COL5A2: variants seen among roughly 807,000 people sequenced by gnomAD.
The protein encoded by COL5A2 is collagen type V alpha 2 chain.
A neutral mutation model predicts 208.2 loss-of-function variants in COL5A2; 23 were observed. That is an observed-to-expected ratio of 0.11 (90% CI 0.08 to 0.16). The LOEUF (loss-of-function observed/expected upper bound fraction) is 0.16, where lower values mean the gene tolerates loss of function less well. Ranked by LOEUF, COL5A2 falls within the 10% of genes least tolerant of loss-of-function variation. The pLI, the probability that COL5A2 is intolerant of heterozygous loss-of-function variation, is 1.00. For synonymous variants in COL5A2, 625 were observed against 628.5 expected, an observed-to-expected ratio of 0.99 and a Z score of 0.08; for missense variants, 1,590 against 1,956.4, an observed-to-expected ratio of 0.81 and a Z score of 3.53.
chr2:189,439,312 G>A, the COL5A2 span, among the ~76,000 whole-genome samples: 1 of 152,146 alleles, frequency 6.6e-6, no homozygotes, highest in Non-Finnish European at 1.5e-5. Flanking sequence ...AAGAATGTCT[G>A]GCATATACTA....
At chr2:189,057,945 T>C (rs1287896246) in intron 33 of COL5A2, among the ~76,000 whole-genome samples, 20 of 152,168 alleles carry the variant, frequency 1.3e-4, no homozygotes, top group Non-Finnish European at 1.5e-4. Flanking sequence ...GCCACATTAT[T>C]TTCTACCAAT....
At chr2:189,140,801 A>G (rs1193423575) in intron 1 of COL5A2, among the ~76,000 whole-genome samples, 4 of 152,100 alleles carry the variant, frequency 2.6e-5, no homozygotes, top group East Asian at 1.9e-4. Flanking sequence ...TAAGTAATAT[A>G]TTTTTCTAAG....
chr2:189,193,621 T>C (rs1033222703), intron 1 of COL5A2, among the ~76,000 whole-genome samples: 18 of 152,242 alleles, frequency 1.2e-4, no homozygotes, highest in Non-Finnish European at 2.4e-4. Context: ...AACATTTAGT[T>C]AAGAGGGATT....
At chr2:189,253,798 C>A in the COL5A2 span, among the ~76,000 whole-genome samples, 13 of 152,188 alleles carry the variant, frequency 8.5e-5, no homozygotes, top group Non-Finnish European at 1.8e-4. Flanking sequence ...TTATTCTTGA[C>A]CCTTACCACA....
chr2:189,152,628 G>A (rs1325439661), intron 1 of COL5A2, among the ~76,000 whole-genome samples: 1 of 152,130 alleles, frequency 6.6e-6, no homozygotes, highest in East Asian at 1.9e-4. Flanking sequence ...AATAGTTGCA[G>A]TATGAATTAG....
At chr2:189,080,958 T>C in intron 13 of COL5A2, 32 bp downstream of exon 13, 1 of 1,578,380 alleles carries the variant, frequency 6.3e-7, no homozygotes, top group Non-Finnish European at 8.7e-7. Context: ...TAAACCACAG[T>C]ATCTGAGAGG....
intron 1 of COL5A2, among the ~76,000 whole-genome samples, chr2:189,166,477 C>A (rs896114159): frequency 6.6e-6 from 1 of 152,122 alleles, no homozygotes; most frequent in Non-Finnish European, 1.5e-5. Flanking sequence ...TGGGCATATA[C>A]CATGGGGCAA....
the COL5A2 span, among the ~76,000 whole-genome samples, chr2:189,232,642 T>C: frequency 6.6e-6 from 1 of 151,756 alleles, no homozygotes; most frequent in Non-Finnish European, 1.5e-5. Flanking sequence ...CACAGTGCAA[T>C]CTAATTTTGA....
At chr2:189,133,412 C>T (rs1288885780) in intron 1 of COL5A2, among the ~76,000 whole-genome samples, 2 of 152,046 alleles carry the variant, frequency 1.3e-5, no homozygotes, top group African/African-American at 4.8e-5. Context: ...TGAGCCACCA[C>T]ACCCAGCCTA....
the COL5A2 span, among the ~76,000 whole-genome samples, chr2:189,382,497 T>C: frequency 4.6e-5 from 7 of 152,220 alleles, no homozygotes; most frequent in African/African-American, 1.7e-4. Flanking sequence ...TAGTTAATTC[T>C]ATTTATGGAA....
rs115883800 is a variant in COL5A2, at chr2:189,172,441, G to A, written c.97+7067C>T. 6.4e-3 allele frequency among the ~76,000 whole-genome samples: 971 copies of A among 152,234 alleles called. 15 individuals carry two copies. The highest frequency in any genetic ancestry group is 0.021 in the African/African-American group (859 of 41,542). On this transcript the variant is annotated intron_variant, in intron 1 of 53. Transcript: ENST00000374866. ...GAAGTAGATTGTAATGTCACTTTCCGTGTCTCATTTAAGTACTCTAAAATT... is the reference window on the plus strand; with the variant it reads ...GAAGTAGATTGTAATGTCACTTTCCATGTCTCATTTAAGTACTCTAAAATT...
the COL5A2 span, among the ~76,000 whole-genome samples, chr2:189,245,927 C>T: frequency 6.6e-6 from 1 of 152,114 alleles, no homozygotes; most frequent in Non-Finnish European, 1.5e-5. Context: ...TGATGTTGAA[C>T]TATTTCACAG....
At chr2:189,170,993 G>A (rs1003159645) in intron 1 of COL5A2, among the ~76,000 whole-genome samples, 4 of 152,148 alleles carry the variant, frequency 2.6e-5, no homozygotes, top group Admixed American at 1.3e-4. Context: ...TTCCTGCATG[G>A]CAGAGGTGTA....
intron 32 of COL5A2, 57 bp downstream of exon 32, chr2:189,058,792 C>T: frequency 6.7e-7 from 1 of 1,500,576 alleles, no homozygotes; most frequent in South Asian, 1.2e-5. Flanking sequence ...TAAAAGACAC[C>T]TTTTAAAACT....
the COL5A2 span, among the ~76,000 whole-genome samples, chr2:189,402,138 GC>G: frequency 6.6e-6 from 1 of 152,068 alleles, no homozygotes; most frequent in African/African-American, 2.4e-5. Flanking sequence ...TGAAATTTTT[GC>G]CCGTGTCTAT....
chr2:189,107,153 C>A (rs962535467), intron 2 of COL5A2, among the ~76,000 whole-genome samples: 10 of 151,482 alleles, frequency 6.6e-5, no homozygotes, highest in African/African-American at 2.4e-4. Context: ...CATCTGATTT[C>A]TTTTTAAGAC....
chr2:189,155,915 A>G lies in COL5A2; in HGVS notation c.97+23593T>C, dbSNP rs192622556. ...CTTTTCCAGCTTCTAGAGGCCAACT[A>G]CATTCCTTTACTCATGGCTTTCTCT... is the stretch of plus-strand genomic sequence containing the variant. On this transcript the variant is annotated intron_variant, in intron 1 of 53. Transcript: ENST00000374866. Among the ~76,000 whole-genome samples, 996 of 152,190 alleles carry G rather than the reference A, an allele frequency of 6.5e-3. 8 individuals carry two copies. The highest frequency in any genetic ancestry group is 0.011 in the Non-Finnish European group (768 of 68,006).
chr2:189,371,573 G>A, the COL5A2 span, among the ~76,000 whole-genome samples: 1 of 152,192 alleles, frequency 6.6e-6, no homozygotes, highest in Admixed American at 6.5e-5. Context: ...CCCATGTTAT[G>A]CCCTAGCAAA....
chr2:189,374,609 G>A, the COL5A2 span, among the ~76,000 whole-genome samples: 1 of 152,110 alleles, frequency 6.6e-6, no homozygotes, highest in African/African-American at 2.4e-5. Context: ...TGAAAGCACA[G>A]GTGGAATCTT....
Sources: gnomAD v4.1 joint callset for allele counts (sites outside exome capture counted in the v4.1 genomes callset) on GRCh38, gnomAD v4.1.1 for gene constraint, MANE v1.5 for transcripts, NCBI Gene and HGNC (gene_info 2026-07-23, HGNC 2026-07-21) for gene names.